The following PLRG1 variants were observed in gnomAD, a reference collection of about 807,000 sequenced individuals.
PLRG1 encodes the protein pleiotropic regulator 1, also known as pleiotropic regulator 1 (PRL1 homolog, Arabidopsis).
PLRG1 carries 28 observed loss-of-function variants against 74.9 expected under a neutral mutation model. The observed-to-expected ratio is 0.37, with a 90% CI of 0.28 to 0.51. PLRG1 has a LOEUF of 0.51. Among genes scored for constraint, PLRG1 ranks in the 20% least tolerant of loss-of-function variants. The pLI, the probability that PLRG1 is intolerant of heterozygous loss-of-function variation, is 0.91. For synonymous variants in PLRG1, 197 were observed against 212.4 expected (o/e 0.93, Z 0.63); for missense variants, 445 against 631.9 (o/e 0.70, Z 3.17).
chr4:154,545,095 C>A (rs1023165306), intron 6 of PLRG1, among the ~76,000 whole-genome samples: 5 of 152,096 alleles, frequency 3.3e-5, no homozygotes, highest in Non-Finnish European at 7.4e-5. Flanking sequence ...GTCATCTAGT[C>A]ATCCAAAACA....
intron 13 of PLRG1, 100 bp downstream of exon 13, chr4:154,537,869 A>C (rs1729479511): frequency 1.5e-6 from 1 of 678,834 alleles, no homozygotes; most frequent in East Asian, 2.8e-5. Flanking sequence ...TGCTGCTATA[A>C]TACTTAAGTG....
rs764679770 is a variant in PLRG1 at position 154,550,320 on chromosome 4, G to A, written c.-12C>T. The A allele has an allele frequency of 1.6e-5, 26 of 1,612,480 alleles. No individual in the cohort carries two copies. In the South Asian group the frequency reaches 2.7e-4, roughly 17 times the overall value. On this transcript the variant is annotated 5_prime_UTR_variant, in exon 1 of 15. Transcript: ENST00000499023. ...TTTACCTCGACCATGATGCTACCGT[G>A]TATCCCACCTCCGGCAGGGAAGAAA...
chr4:154,549,313 T>C (rs1729716508), intron 1 of PLRG1, among the ~76,000 whole-genome samples: 1 of 152,208 alleles, frequency 6.6e-6, no homozygotes, highest in South Asian at 2.1e-4. Flanking sequence ...TGATAAGTGC[T>C]ATGAAGGCAA....
In PLRG1 at chr4:154,544,678, T is replaced by C. The variant is rs1430913008; in HGVS notation, c.493-132A>G. ...CCATAAATGAAGAAATACAATTTTC[T>C]GTATGTTAACTTAAAAAAGCAATTA... is the stretch of plus-strand genomic sequence containing the variant. On this transcript the variant is annotated intron_variant, in intron 6 of 14. Coordinates refer to ENST00000499023, the MANE Select transcript of PLRG1 (RefSeq NM_002669.4). The C allele has an allele frequency of 3.8e-5, 23 of 602,422 alleles. No homozygotes were observed. The East Asian group carries it at 6.6e-4, about 17-fold the overall frequency. 37.3% of individuals were successfully genotyped at this position (602,422 alleles called of 1,614,324 possible).
In PLRG1 at chr4:154,535,851, C is replaced by G. The variant is rs1009129686; in HGVS notation, c.*834G>C. On this transcript the variant is annotated 3_prime_UTR_variant, in exon 15 of 15. Transcript: ENST00000499023. Reference sequence around the variant, plus strand: ...TATCCTACTAGTTGAGGAATAAAATCCATACTTATATGAGCTTTCCCCAGA... The same window carrying G: ...TATCCTACTAGTTGAGGAATAAAATGCATACTTATATGAGCTTTCCCCAGA... 2 of 150,382 alleles carry G rather than the reference C, an allele frequency of 1.3e-5. No individual in the cohort carries two copies. Among genetic ancestry groups the G allele is most frequent in the Non-Finnish European group, 3.0e-5 (2 of 67,686 alleles). The allele number at this position is 150,382 out of a possible 1,614,324, so 9.3% of individuals were successfully genotyped here.
chr4:154,546,471 CATT>C lies in PLRG1; in HGVS notation c.314-261_314-259del, dbSNP rs1474310584. ...AGCCCAGAATAGTAAAGTTAATTTC[CATT>C]ATATTTGGGTATTAGTTTCAAGTCA... On this transcript the variant is annotated intron_variant, in intron 4 of 14. Transcript: ENST00000499023. 1.2e-5 allele frequency: 5 copies of C among 418,898 alleles called. No individual in the cohort carries two copies. In the Admixed American group the frequency reaches 1.7e-4, roughly 14 times the overall value. The allele number at this position is 418,898 out of a possible 1,614,324, so 25.9% of individuals were successfully genotyped here. A position where few individuals can be genotyped will look rare whatever the true frequency, so the allele number is the denominator to read the frequency against.
intron 7 of PLRG1, 146 bp from the exon 8 acceptor site, chr4:154,542,425 T>G (rs1729571333): frequency 4.9e-6 from 3 of 612,122 alleles, no homozygotes; most frequent in Non-Finnish European, 9.0e-6. Flanking sequence ...TGAAATTATC[T>G]TCAGTGAGTT....
chr4:154,538,359 G>A (rs1313205939), intron 12 of PLRG1, among the ~76,000 whole-genome samples: 1 of 151,946 alleles, frequency 6.6e-6, no homozygotes, highest in African/African-American at 2.4e-5. Context: ...TTAATGCTCT[G>A]CACTAAGCCA....
chr4:154,542,662 A>T (rs1462153304), intron 7 of PLRG1, among the ~76,000 whole-genome samples: 1 of 152,238 alleles, frequency 6.6e-6, no homozygotes, highest in Non-Finnish European at 1.5e-5. Context: ...ATGGATAAAT[A>T]AAATGTGGTA....
chr4:154,545,898 T>C lies in PLRG1; in HGVS notation c.430A>G (p.Ser144Gly), dbSNP rs367824724. ...TKADANRTAP[S>G]GSEYRHPGAS... ...CCAGGATGTCGGTATTCACTTCCAC[T>C]AGGGGCAGTACGATTTGCATCAGCC... Residue 144 changes from serine to glycine, a missense_variant, in exon 6 of 15, where the codon AGT becomes GGT. By Grantham distance (56) the Ser-to-Gly change is moderately conservative (BLOSUM62 0). Around this residue, in one of 3 missense-constraint regions of PLRG1, gnomAD observed 206 missense variants for 210.8 expected, o/e 0.98. Transcript: ENST00000499023. The C allele has an allele frequency of 4.0e-5, 64 of 1,611,674 alleles. No homozygotes were observed. Among genetic ancestry groups the C allele is most frequent in the Non-Finnish European group, 4.9e-5 (58 of 1,178,040 alleles).
intron 5 of PLRG1, 32 bp from the exon 6 acceptor site, chr4:154,545,955 A>G (rs781315271): frequency 7.1e-7 from 1 of 1,399,784 alleles, no homozygotes; most frequent in Non-Finnish European, 1.0e-6. Context: ...TTTCAAAGTA[A>G]TTAATGCCTC....
rs112170957 is a variant in PLRG1, at chr4:154,540,516, T to C, written c.939+78A>G. 1.8e-3 allele frequency: 1,568 copies of C among 885,164 alleles called. 13 individuals are homozygous for C. The highest frequency in any genetic ancestry group is 0.017 in the African/African-American group (1,027 of 60,828). The allele number at this position is 885,164 out of a possible 1,614,324, so 54.8% of individuals were successfully genotyped here. The stretch of plus-strand genomic sequence containing the variant: ...TATCTTTAATTCTCTATCAATCAAT[T>C]GAAGACACTGAAACCGAAAGTGCAC... On this transcript the variant is annotated intron_variant, in intron 10 of 14. Coordinates refer to ENST00000499023, the MANE Select transcript of PLRG1 (RefSeq NM_002669.4).
chr4:154,549,526 G>A (rs1194608019), intron 1 of PLRG1: 7 of 375,626 alleles, frequency 1.9e-5, no homozygotes, highest in Non-Finnish European at 2.6e-5. Flanking sequence ...TGGAGGATGA[G>A]ATGGTGCTTT....
At chr4:154,537,726 C>T (rs1252576835) in intron 13 of PLRG1, among the ~76,000 whole-genome samples, 1 of 151,978 alleles carries the variant, frequency 6.6e-6, no homozygotes. Context: ...AAATTTTAAG[C>T]AATTCCCAGC....
intron 8 of PLRG1, 28 bp downstream of exon 8, chr4:154,542,159 T>C (rs1331174480): frequency 7.7e-7 from 1 of 1,299,372 alleles, no homozygotes; most frequent in Non-Finnish European, 1.1e-6. Flanking sequence ...CACAAAGTCA[T>C]GTTTATTTTT....
intron 4 of PLRG1, 114 bp downstream of exon 4, chr4:154,546,897 T>C: frequency 2.5e-6 from 2 of 797,314 alleles, no homozygotes; most frequent in Middle Eastern, 2.6e-4. Context: ...CATGGATGCT[T>C]GGCTACTGAG....
rs201658982 is a variant in PLRG1 at position 154,536,321 on chromosome 4, T to TA, written c.*363dup. On this transcript the variant is annotated 3_prime_UTR_variant, in exon 15 of 15. Coordinates refer to ENST00000499023, the MANE Select transcript of PLRG1 (RefSeq NM_002669.4). ...TCACAGATGTTATTTTTTAAAGGACTAAAAAAAAACTACTGCTCCTTCAAA... is the reference window on the plus strand; with the variant it reads ...TCACAGATGTTATTTTTTAAAGGACTAAAAAAAAAACTACTGCTCCTTCAAA... 66 of 167,008 alleles carry TA rather than the reference T, an allele frequency of 4.0e-4. No homozygotes were observed. Among genetic ancestry groups the TA allele is most frequent in the East Asian group, 7.0e-4 (4 of 5,740 alleles). The allele number at this position is 167,008 out of a possible 1,614,324, so 10.3% of individuals were successfully genotyped here.
chr4:154,548,935 C>A lies in PLRG1; in HGVS notation c.10G>T (p.Glu4Ter). 1 of 1,539,176 alleles carries A rather than the reference C, an allele frequency of 6.5e-7. No homozygotes were observed. MVE[E>*]VQKHSVHTLV... ...GTGTGTACAGAATGTTTCTGTACCT[C>A]CTAAAAAAAAAGAATGTAATTACAC... Residue 4 changes from glutamate (E) to a stop codon, truncating the protein, a stop_gained and splice_region_variant, in exon 2 of 15, where the codon GAG becomes TAG. Transcript: ENST00000499023. LOFTEE classifies it high-confidence loss of function.
chr4:154,546,504 T>G (rs1438960046), intron 4 of PLRG1: 6 of 361,834 alleles, frequency 1.7e-5, no homozygotes, highest in Admixed American at 4.5e-5. Context: ...AAGTCAGTAT[T>G]AAGCAGTTCC....
Sources: allele counts gnomAD v4.1 joint callset (sites outside exome capture counted in the v4.1 genomes callset), GRCh38; gene constraint gnomAD v4.1.1; regional missense constraint gnomAD v4.1.1; transcripts MANE v1.5; gene names NCBI Gene and HGNC (gene_info 2026-07-23, HGNC 2026-07-21).